The following RPS6KC1 variants were observed in gnomAD, a reference collection of about 807,000 sequenced individuals.
RPS6KC1 encodes inactive ribosomal protein S6 kinase delta-1.
RPS6KC1 carries 54 observed loss-of-function variants against 103.8 expected under a neutral mutation model. The ratio of observed to expected loss-of-function variants is 0.52; its 90% CI spans 0.42 to 0.65. The LOEUF is 0.65. RPS6KC1 is among the 30% of genes least tolerant of loss of function. RPS6KC1 has a pLI of 0.00. For synonymous variants in RPS6KC1, 439 were observed against 438.7 expected, an observed-to-expected ratio of 1.00 and a Z score of -0.01; for missense variants, 1,151 against 1,253.8, an observed-to-expected ratio of 0.92 and a Z score of 1.24.
the RPS6KC1 span, among the ~76,000 whole-genome samples, chr1:213,770,799 C>G: frequency 6.6e-6 from 1 of 152,182 alleles, no homozygotes; most frequent in African/African-American, 2.4e-5. Context: ...ATTTCTTCCA[C>G]TTTTCTATTA....
At chr1:213,265,584 T>A (rs551883689) in intron 14 of RPS6KC1, among the ~76,000 whole-genome samples, 59 of 152,364 alleles carry the variant, frequency 3.9e-4, no homozygotes, top group Non-Finnish European at 6.8e-4. Flanking sequence ...GTGGATTTGA[T>A]ATATGTGGGA....
At chr1:213,661,541 C>T in the RPS6KC1 span, among the ~76,000 whole-genome samples, 4 of 152,182 alleles carry the variant, frequency 2.6e-5, no homozygotes, top group African/African-American at 7.2e-5. Flanking sequence ...AAAGGTCAGT[C>T]TGAATCAGGA....
chr1:213,269,026 G>T (rs1248393513), intron 14 of RPS6KC1, among the ~76,000 whole-genome samples: 1 of 152,134 alleles, frequency 6.6e-6, no homozygotes, highest in African/African-American at 2.4e-5. Context: ...ATCTAAACAT[G>T]CCAAACCAAA....
chr1:213,509,552 G>C, the RPS6KC1 span, among the ~76,000 whole-genome samples: 1 of 152,298 alleles, frequency 6.6e-6, no homozygotes, highest in East Asian at 1.9e-4. Flanking sequence ...CTTACCTAGA[G>C]GGTGTCTGTT....
At chr1:213,804,120 A>T in the RPS6KC1 span, among the ~76,000 whole-genome samples, 1 of 151,318 alleles carries the variant, frequency 6.6e-6, no homozygotes, top group Non-Finnish European at 1.5e-5. Context: ...TAATAAAAAA[A>T]AATTTACAAA....
At chr1:213,665,558 A>G in the RPS6KC1 span, among the ~76,000 whole-genome samples, 33 of 152,362 alleles carry the variant, frequency 2.2e-4, no homozygotes, top group African/African-American at 7.7e-4. Flanking sequence ...CTACATGTCT[A>G]TATGAAACAG....
chr1:213,642,831 T>G, the RPS6KC1 span, among the ~76,000 whole-genome samples: 1 of 151,992 alleles, frequency 6.6e-6, no homozygotes, highest in Non-Finnish European at 1.5e-5. Flanking sequence ...TTTTCTTACA[T>G]TTAGAAATTT....
the RPS6KC1 span, among the ~76,000 whole-genome samples, chr1:213,315,146 A>AG: frequency 2.0e-5 from 3 of 152,376 alleles, 1 homozygote; most frequent in South Asian, 4.1e-4. Flanking sequence ...TTACATTAAA[A>AG]GGAACATAAC....
chr1:213,800,514 G>A, the RPS6KC1 span, among the ~76,000 whole-genome samples: 1 of 135,120 alleles, frequency 7.4e-6, no homozygotes, highest in Admixed American at 7.2e-5. Flanking sequence ...GGTCATGGTT[G>A]CTGGGAATGG....
the RPS6KC1 span, among the ~76,000 whole-genome samples, chr1:213,351,213 A>C: frequency 1.5e-3 from 231 of 152,308 alleles, 2 homozygotes; most frequent in East Asian, 7.7e-4. Flanking sequence ...AACACTTTTA[A>C]AGTTGTAGCT....
chr1:213,124,918 C>T (rs1325402243), intron 5 of RPS6KC1, among the ~76,000 whole-genome samples: 7 of 152,112 alleles, frequency 4.6e-5, no homozygotes. Context: ...GGTTTGCCTG[C>T]TTTAAACAGA....
chr1:213,242,179 C>G lies in RPS6KC1; in HGVS notation c.2703C>G (p.Ile901Met), dbSNP rs149870413. 382 of 1,613,804 alleles carry G rather than the reference C, an allele frequency of 2.4e-4. No homozygotes were observed. The highest frequency in any genetic ancestry group is 3.0e-4 in the Non-Finnish European group (356 of 1,179,912). The change falls in exon 11 of 15, where the codon ATC becomes ATG. Residue 901 changes from isoleucine to methionine, a missense_variant. Ile to Met is a conservative substitution (Grantham distance 10). Around this residue, in one of 3 missense-constraint regions of RPS6KC1, gnomAD observed 189 missense variants for 228.8 expected, o/e 0.83. Transcript: ENST00000366960. The stretch of plus-strand genomic sequence containing the variant: ...TAGCACTAGCCTCCAGGTTTTACAT[C>G]CCAGAGGGCTGCATTCAAAGATGGG... ...KKLALASRFYIPEGCIQRWAA... is the reference protein window; with the variant it reads ...KKLALASRFYMPEGCIQRWAA...
chr1:213,426,584 T>C, the RPS6KC1 span, among the ~76,000 whole-genome samples: 2 of 152,228 alleles, frequency 1.3e-5, no homozygotes, highest in Non-Finnish European at 2.9e-5. Flanking sequence ...CGGCTACTAA[T>C]GTCTAATGAC....
chr1:213,797,789 G>GA, the RPS6KC1 span, among the ~76,000 whole-genome samples: 3 of 152,198 alleles, frequency 2.0e-5, no homozygotes, highest in Non-Finnish European at 4.4e-5. Flanking sequence ...ATAGAACCAT[G>GA]ATGGAAAACC....
chr1:213,235,232 T>G (rs2094196646), intron 10 of RPS6KC1, among the ~76,000 whole-genome samples: 2 of 152,242 alleles, frequency 1.3e-5, no homozygotes, highest in African/African-American at 4.8e-5. Context: ...ACTCTTTCTT[T>G]CCATTTTTAA....
the RPS6KC1 span, among the ~76,000 whole-genome samples, chr1:213,564,891 G>A: frequency 6.6e-6 from 1 of 152,084 alleles, no homozygotes; most frequent in Non-Finnish European, 1.5e-5. Context: ...TCTCCATACT[G>A]GACCCTGACT....
chr1:213,228,517 G>A (rs1329170216), intron 8 of RPS6KC1, among the ~76,000 whole-genome samples: 1 of 151,576 alleles, frequency 6.6e-6, no homozygotes, highest in East Asian at 1.9e-4. Context: ...GCGATCGCAG[G>A]AGTTCAAGAT....
the RPS6KC1 span, among the ~76,000 whole-genome samples, chr1:213,674,900 G>A: frequency 6.6e-6 from 1 of 152,026 alleles, no homozygotes; most frequent in Admixed American, 6.5e-5. Flanking sequence ...GTGATGTGAG[G>A]CATCTTTTCA....
At chr1:213,343,474 G>A in the RPS6KC1 span, among the ~76,000 whole-genome samples, 1 of 118,980 alleles carries the variant, frequency 8.4e-6, no homozygotes, top group Non-Finnish European at 1.7e-5. Context: ...CCATAAAAAG[G>A]AACAAAATAA....
Sources: allele counts gnomAD v4.1 joint callset (sites outside exome capture counted in the v4.1 genomes callset), GRCh38; gene constraint gnomAD v4.1.1; regional missense constraint gnomAD v4.1.1; transcripts MANE v1.5; gene names NCBI Gene and HGNC (gene_info 2026-07-23, HGNC 2026-07-21).